Variants in TRIP11 observed in about 807,000 individuals in gnomAD.
TRIP11 encodes the protein thyroid hormone receptor interactor 11, also known as thyroid receptor-interacting protein 11.
A neutral mutation model predicts 223.1 loss-of-function variants in TRIP11; 148 were observed. That is an observed-to-expected ratio of 0.66 (90% CI 0.58 to 0.76). The LOEUF is 0.76. Among genes scored for constraint, TRIP11 ranks in the 30% least tolerant of loss-of-function variants. The pLI is 0.00. For missense variants in TRIP11, 2,043 were observed against 2,222.0 expected (o/e 0.92, Z 1.62); for synonymous variants, 762 against 772.6 (o/e 0.99, Z 0.23).
Position 91,966,616 on chromosome 14 carries a change from A to C in TRIP11, c.*3057T>G, listed in dbSNP as rs2140074104. 4.7e-6 allele frequency: 1 copy of C among 214,746 alleles called. No individual in the cohort carries two copies. Among genetic ancestry groups the C allele is most frequent in the Middle Eastern group, 1.5e-3 (1 of 664 alleles). The allele number at this position is 214,746 out of a possible 1,614,324, so 13.3% of individuals were successfully genotyped here. A position where few individuals can be genotyped will look rare whatever the true frequency, so the allele number is the denominator to read the frequency against. ...AAGAAACCTAAGGCTTTATTTGGGG[A>C]GATACTGGACGTTTTAATTGACTAG... On this transcript the variant is annotated 3_prime_UTR_variant, in exon 21 of 21. Transcript: ENST00000267622.
At chr14:91,985,480 C>G (rs1201210353) in intron 16 of TRIP11, among the ~76,000 whole-genome samples, 1 of 152,176 alleles carries the variant, frequency 6.6e-6, no homozygotes, top group Non-Finnish European at 1.5e-5. Flanking sequence ...TTTGCAACAG[C>G]TCTCTTTTTC....
At position 92,039,668 on chromosome 14, in the gene TRIP11, C is replaced by A. The variant is rs764663962; in HGVS notation, c.18G>T (p.Gly6=). 8 of 1,612,546 alleles carry A rather than the reference C, an allele frequency of 5.0e-6. No individual in the cohort carries two copies. Among genetic ancestry groups the A allele is most frequent in the Non-Finnish European group, 6.8e-6 (8 of 1,179,436 alleles). Residue 6 remains glycine, a synonymous_variant, in exon 1 of 21, where the codon GGG becomes GGT. Transcript: ENST00000267622. MSSWL[G]GLGSGLGQSL... is the part of the protein sequence containing the mutation. ...ACTGGCCCAATCCGGAGCCGAGGCC[C>A]CCAAGCCAGGACGACATCGCGGCGA...
At chr14:91,985,621 T>C (rs1183864623) in intron 16 of TRIP11, among the ~76,000 whole-genome samples, 1 of 152,248 alleles carries the variant, frequency 6.6e-6, no homozygotes, top group Non-Finnish European at 1.5e-5. Flanking sequence ...AATTAATCAT[T>C]AGTCTACAGA....
chr14:92,036,356 G>T (rs899229027), intron 1 of TRIP11, among the ~76,000 whole-genome samples: 2 of 152,182 alleles, frequency 1.3e-5, no homozygotes, highest in Non-Finnish European at 2.9e-5. Flanking sequence ...CGATTCGGTA[G>T]ACACAATTCC....
intron 2 of TRIP11, among the ~76,000 whole-genome samples, chr14:92,029,091 T>C (rs1196364659): frequency 6.6e-6 from 1 of 152,134 alleles, no homozygotes; most frequent in Non-Finnish European, 1.5e-5. Flanking sequence ...CAAAATCAAC[T>C]TGTATTTTCT....
At chr14:92,029,516 G>A (rs1029570545) in intron 2 of TRIP11, among the ~76,000 whole-genome samples, 15 of 151,704 alleles carry the variant, frequency 9.9e-5, no homozygotes, top group African/African-American at 3.4e-4. Flanking sequence ...GGCTGGTCTC[G>A]AACTCCTGAC....
chr14:91,970,504 T>C (rs1473447767), intron 20 of TRIP11, among the ~76,000 whole-genome samples: 1 of 152,168 alleles, frequency 6.6e-6, no homozygotes, highest in Non-Finnish European at 1.5e-5. Flanking sequence ...GGCTAAAATC[T>C]GACTAATGTT....
rs1486398353 is a variant in TRIP11, at chr14:92,037,801, G to A, written c.139+1746C>T. ...TGAGGCAGGAGAATTGCTTGAACCC[G>A]GGAGGCGAAGGTTGCAGCGAGCCGA... On this transcript the variant is annotated intron_variant, in intron 1 of 20. Coordinates refer to ENST00000267622, the MANE Select transcript of TRIP11 (RefSeq NM_004239.4). This position sits in a 1 kb window ranked among gnomAD's most constrained non-coding sequence, Gnocchi z 4.2. 2.6e-5 allele frequency among the ~76,000 whole-genome samples: 4 copies of A among 152,180 alleles called. No homozygotes were observed. The highest frequency in any genetic ancestry group is 9.7e-5 in the African/African-American group (4 of 41,450).
Position 92,007,716 on chromosome 14 carries a change from T to G in TRIP11, c.1451A>C (p.Asn484Thr). The G allele has an allele frequency of 6.2e-7, 1 of 1,613,782 alleles. No homozygotes were observed. Among genetic ancestry groups the G allele is most frequent in the Non-Finnish European group, 8.5e-7 (1 of 1,179,968 alleles). ...TGTTTCCTTTTCACTAATACTCTGATTGAGTTCTTGTTCCTTTGCCTCCAA... is the reference window on the plus strand; with the variant it reads ...TGTTTCCTTTTCACTAATACTCTGAGTGAGTTCTTGTTCCTTTGCCTCCAA... The part of the protein sequence containing the change: ...LNLEAKEQEL[N>T]QSISEKETLI... The change falls in exon 10 of 21, where the codon AAT becomes ACT. Residue 484 changes from asparagine (N) to threonine (T), a missense_variant. By Grantham distance (65) the Asn-to-Thr change is moderately conservative. Coordinates refer to ENST00000267622, the MANE Select transcript of TRIP11 (RefSeq NM_004239.4).
At chr14:91,980,493 C>T (rs1202761845) in intron 16 of TRIP11, among the ~76,000 whole-genome samples, 3 of 152,140 alleles carry the variant, frequency 2.0e-5, no homozygotes, top group Non-Finnish European at 4.4e-5. Context: ...AATGAACATG[C>T]TTATCTCAAA....
chr14:91,995,750 G>T (rs913017823), intron 13 of TRIP11, among the ~76,000 whole-genome samples: 1 of 151,778 alleles, frequency 6.6e-6, no homozygotes, highest in Non-Finnish European at 1.5e-5. Flanking sequence ...TGAGTAGCTG[G>T]GGTTATAGGC....
At chr14:92,013,192 G>A (rs1263397526) in intron 7 of TRIP11, among the ~76,000 whole-genome samples, 4 of 152,138 alleles carry the variant, frequency 2.6e-5, no homozygotes, top group South Asian at 2.1e-4. Context: ...ACTTGAACCC[G>A]GGAGGTGGAG....
rs2057365145 is a variant in TRIP11 at position 92,039,808 on chromosome 14, G to A, written c.-123C>T. ...GCGAGACAGGATACGATAACACAAA[G>A]CTGGGTTCTCAGGCAAGGCCGACTC... On this transcript the variant is annotated 5_prime_UTR_variant, in exon 1 of 21. Coordinates refer to ENST00000267622, the MANE Select transcript of TRIP11 (RefSeq NM_004239.4). 1.2e-5 allele frequency: 19 copies of A among 1,544,386 alleles called. No homozygotes were observed. Among genetic ancestry groups the A allele is most frequent in the Admixed American group, 2.0e-5 (1 of 50,686 alleles).
At chr14:92,007,181 C>T (rs761421074) in intron 10 of TRIP11, among the ~76,000 whole-genome samples, 4 of 152,030 alleles carry the variant, frequency 2.6e-5, no homozygotes, top group Non-Finnish European at 5.9e-5. Context: ...CCTGCCACCA[C>T]GGCCGGCTAA....
At chr14:92,032,965 A>T (rs971189844) in intron 2 of TRIP11, among the ~76,000 whole-genome samples, 1 of 152,190 alleles carries the variant, frequency 6.6e-6, no homozygotes, top group East Asian at 1.9e-4. Context: ...TTTCCTACTT[A>T]TACAGAAATA....
intron 20 of TRIP11, among the ~76,000 whole-genome samples, chr14:91,971,663 T>C (rs2056402150): frequency 6.6e-6 from 1 of 151,632 alleles, no homozygotes; most frequent in East Asian, 2.0e-4. Context: ...ATAATGAATT[T>C]GGGAATCTGT....
chr14:91,978,011 A>C lies in TRIP11; in HGVS notation c.5261-1822T>G, dbSNP rs2056489891. 6.6e-6 allele frequency among the ~76,000 whole-genome samples: 1 copy of C among 152,088 alleles called. No homozygotes were observed. On this transcript the variant is annotated intron_variant, in intron 16 of 20. Coordinates refer to ENST00000267622, the MANE Select transcript of TRIP11 (RefSeq NM_004239.4). The surrounding 1 kb of genome is among the most constrained non-coding windows in gnomAD (Gnocchi z 4.4). ...CTTTTCCTTTCCTGTCTTTCCAGTA[A>C]GGAATTTAAACTTGGACGAGAGAGG...
intron 11 of TRIP11, among the ~76,000 whole-genome samples, chr14:92,002,103 C>T (rs1166754261): frequency 1.3e-5 from 2 of 152,106 alleles, no homozygotes; most frequent in Non-Finnish European, 2.9e-5. Context: ...ATTTCTGCTA[C>T]TAAAAGCATA....
At chr14:92,017,821 T>A (rs2057054276) in intron 4 of TRIP11, 71 bp from the exon 5 acceptor site, 1 of 1,316,494 alleles carries the variant, frequency 7.6e-7, no homozygotes, top group East Asian at 2.3e-5. Context: ...ACAAACTAAC[T>A]TCATTACAAG....
Sources: gnomAD v4.1 joint callset for allele counts (sites outside exome capture counted in the v4.1 genomes callset) on GRCh38, gnomAD v4.1.1 for gene constraint, Gnocchi (gnomAD v3.1) non-coding constraint, MANE v1.5 for transcripts, NCBI Gene and HGNC (gene_info 2026-07-23, HGNC 2026-07-21) for gene names.